MYO16: variants seen among roughly 807,000 people sequenced by gnomAD.
The protein encoded by MYO16 is myosin XVI.
MYO16 carries 94 observed loss-of-function variants against 205.3 expected under a neutral mutation model. The observed-to-expected ratio is 0.46, with a 90% CI of 0.39 to 0.54. The LOEUF is 0.54. MYO16 is among the 20% of genes least tolerant of loss of function. The pLI, the probability that MYO16 is intolerant of heterozygous loss-of-function variation, is 0.00. For missense variants in MYO16, 2,315 were observed against 2,387.5 expected (o/e 0.97, Z 0.63); for synonymous variants, 988 against 954.0 (o/e 1.04, Z -0.66).
intron 2 of MYO16, among the ~76,000 whole-genome samples, chr13:108,700,878 G>A (rs1318368340): frequency 6.6e-6 from 1 of 152,014 alleles, no homozygotes; most frequent in Non-Finnish European, 1.5e-5. Flanking sequence ...TAAGATACCT[G>A]GGAAGACCCC....
rs371309159 is a variant in MYO16 at position 108,621,772 on chromosome 13, T to C, written c.-39+25533T>C. ...GTAGGCATTTTATCATCTCACATCA[T>C]CACAAGAAGAAGAGTGAGTACAGTA... On this transcript the variant is annotated intron_variant, in intron 1 of 24. Transcript: ENST00000251041. Among the ~76,000 whole-genome samples, 8 of 152,156 alleles carry C rather than the reference T, an allele frequency of 5.3e-5. No individual in the cohort carries two copies. In the East Asian group the frequency reaches 1.5e-3, roughly 29 times the overall value.
chr13:108,714,594 G>C (rs12866425), intron 3 of MYO16, among the ~76,000 whole-genome samples: 137 of 138,976 alleles, frequency 9.9e-4, no homozygotes, highest in African/African-American at 3.6e-3. Flanking sequence ...GTGTGTGTCT[G>C]TGTGTGTGTG....
At chr13:108,842,636 C>T (rs9559422) in intron 9 of MYO16, among the ~76,000 whole-genome samples, 11,849 of 151,946 alleles carry the variant, frequency 0.078, 514 homozygotes, top group Middle Eastern at 0.1. Flanking sequence ...GAAAAGGGAC[C>T]CCTTGAACAC....
chr13:108,953,464 A>G (rs1308340299), intron 16 of MYO16, among the ~76,000 whole-genome samples: 1 of 152,200 alleles, frequency 6.6e-6, no homozygotes, highest in East Asian at 1.9e-4. Flanking sequence ...CTCATTTGTC[A>G]TTCACAAAAT....
intron 14 of MYO16, among the ~76,000 whole-genome samples, chr13:108,895,533 AGTAGTT>A (rs972085525): frequency 1.3e-5 from 2 of 152,222 alleles, no homozygotes; most frequent in African/African-American, 4.8e-5. Flanking sequence ...CATTTTGTTA[AGTAGTT>A]GTAGTTTTAT....
At chr13:108,870,418 G>A (rs1322024162) in intron 12 of MYO16, among the ~76,000 whole-genome samples, 2 of 151,954 alleles carry the variant, frequency 1.3e-5, no homozygotes, top group African/African-American at 4.8e-5. Flanking sequence ...ATTGGAAGGT[G>A]TACTCTGTTT....
At chr13:108,507,718 CT>C in the MYO16 span, among the ~76,000 whole-genome samples, 1 of 152,108 alleles carries the variant, frequency 6.6e-6, no homozygotes, top group African/African-American at 2.4e-5. Context: ...GCCTCTTTCT[CT>C]TTTTCTTTTC....
At chr13:108,781,866 C>A (rs1248695096) in intron 4 of MYO16, among the ~76,000 whole-genome samples, 1 of 152,160 alleles carries the variant, frequency 6.6e-6, no homozygotes, top group Non-Finnish European at 1.5e-5. Context: ...TCCTCATTTT[C>A]TCTTACCACT....
chr13:108,974,196 G>A (rs555646833), intron 20 of MYO16, among the ~76,000 whole-genome samples: 9 of 152,124 alleles, frequency 5.9e-5, no homozygotes, highest in African/African-American at 1.2e-4. Flanking sequence ...TGTGCTTTTC[G>A]GGTATCCAAG....
At chr13:108,906,405 T>C (rs995068937) in intron 15 of MYO16, among the ~76,000 whole-genome samples, 6 of 152,186 alleles carry the variant, frequency 3.9e-5, no homozygotes, top group African/African-American at 1.4e-4. Context: ...TTACTGCAAA[T>C]GAAATGGAAA....
chr13:108,688,472 C>T (rs1244257884), intron 2 of MYO16, among the ~76,000 whole-genome samples: 1 of 152,012 alleles, frequency 6.6e-6, no homozygotes, highest in Non-Finnish European at 1.5e-5. Flanking sequence ...TTTAAAATTT[C>T]ACCCGCTATT....
chr13:108,890,686 AAGAGG>A (rs1408263288), intron 14 of MYO16, among the ~76,000 whole-genome samples: 1 of 152,196 alleles, frequency 6.6e-6, no homozygotes, highest in Non-Finnish European at 1.5e-5. Flanking sequence ...TAAATGGAAG[AAGAGG>A]AGAGTTGATG....
chr13:108,745,842 A>T (rs761194381), intron 4 of MYO16, among the ~76,000 whole-genome samples: 13 of 152,102 alleles, frequency 8.5e-5, no homozygotes, highest in Non-Finnish European at 1.6e-4. Context: ...AGAGATGGAA[A>T]CTCTACTAAA....
intron 2 of MYO16, among the ~76,000 whole-genome samples, chr13:108,705,249 T>A (rs1335583532): frequency 6.6e-6 from 1 of 152,220 alleles, no homozygotes; most frequent in Non-Finnish European, 1.5e-5. Context: ...TACATGTTAA[T>A]CATCAACATC....
intron 34 of MYO16, among the ~76,000 whole-genome samples, chr13:109,184,243 A>G (rs558274930): frequency 1.3e-5 from 2 of 152,278 alleles, no homozygotes; most frequent in African/African-American, 4.8e-5. Flanking sequence ...GATCTAGCAC[A>G]CAAAGCTCTT....
chr13:108,630,900 A>G (rs1443325584), intron 1 of MYO16, among the ~76,000 whole-genome samples: 1 of 152,186 alleles, frequency 6.6e-6, no homozygotes, highest in African/African-American at 2.4e-5. Context: ...TGATTAATGG[A>G]AATAAAAATG....
chr13:109,055,795 C>T lies in MYO16; in HGVS notation c.3335+200C>T, dbSNP rs1887399299. On this transcript the variant is annotated intron_variant, in intron 27 of 34. Transcript: ENST00000457511. The surrounding 1 kb of genome is among the most constrained non-coding windows in gnomAD (Gnocchi z 5.0). ...AAAGCTCACATAAAAAATAATTAAA[C>T]TGTACTGAGGACAGTATCTTGGAAA... 1.8e-6 allele frequency: 1 copy of T among 558,414 alleles called. No individual in the cohort carries two copies. Among genetic ancestry groups the T allele is most frequent in the Non-Finnish European group, 3.2e-6 (1 of 315,020 alleles). 34.6% of individuals were successfully genotyped at this position (558,414 alleles called of 1,614,324 possible).
chr13:108,786,507 TAC>T (rs913273484), intron 5 of MYO16, among the ~76,000 whole-genome samples: 2 of 152,184 alleles, frequency 1.3e-5, no homozygotes, highest in African/African-American at 4.8e-5. Flanking sequence ...GAGAAAAGTT[TAC>T]AGTTTTTAAG....
chr13:108,961,169 G>A (rs978336650), intron 17 of MYO16, among the ~76,000 whole-genome samples: 4 of 152,162 alleles, frequency 2.6e-5, no homozygotes, highest in Non-Finnish European at 5.9e-5. Context: ...AGCCTGGAGA[G>A]GAGGGGGAGT....
Sources: gnomAD v4.1 joint callset for allele counts (sites outside exome capture counted in the v4.1 genomes callset) on GRCh38, gnomAD v4.1.1 for gene constraint, Gnocchi (gnomAD v3.1) non-coding constraint, MANE v1.5 for transcripts, NCBI Gene and HGNC (gene_info 2026-07-23, HGNC 2026-07-21) for gene names.